FNDC3B: variants seen among roughly 807,000 people sequenced by gnomAD.
The protein encoded by FNDC3B is fibronectin type III domain-containing protein 3B.
In FNDC3B, 12 loss-of-function variants were observed where a neutral mutation model predicts 151.5. The ratio of observed to expected loss-of-function variants is 0.08; its 90% CI spans 0.05 to 0.13. The LOEUF is 0.13. Ranked by LOEUF, FNDC3B falls within the 10% of genes least tolerant of loss-of-function variation. FNDC3B has a pLI of 1.00. For synonymous variants in FNDC3B, 528 were observed against 549.0 expected (o/e 0.96, Z 0.54); for missense variants, 1,214 against 1,505.3 (o/e 0.81, Z 3.20).
chr3:172,176,674 A>G (rs1391185216), intron 3 of FNDC3B, among the ~76,000 whole-genome samples: 1 of 152,190 alleles, frequency 6.6e-6, no homozygotes, highest in African/African-American at 2.4e-5. Context: ...AGGAACCCTG[A>G]ATTCATCTGA....
intron 15 of FNDC3B, among the ~76,000 whole-genome samples, chr3:172,337,075 C>G (rs1733016222): frequency 6.6e-6 from 1 of 152,096 alleles, no homozygotes; most frequent in Non-Finnish European, 1.5e-5. Flanking sequence ...GTTTTTTGTT[C>G]ATATTTCACT....
At chr3:172,206,690 A>G (rs1352019439) in intron 3 of FNDC3B, among the ~76,000 whole-genome samples, 3 of 144,068 alleles carry the variant, frequency 2.1e-5, no homozygotes, top group Non-Finnish European at 4.5e-5. Context: ...AAAAAAAAGT[A>G]TATTCTGGAG....
intron 3 of FNDC3B, among the ~76,000 whole-genome samples, chr3:172,221,232 G>C (rs1726263137): frequency 6.6e-6 from 1 of 152,134 alleles, no homozygotes; most frequent in African/African-American, 2.4e-5. Flanking sequence ...TCATATGTGA[G>C]TAGATAAGTT....
intron 3 of FNDC3B, among the ~76,000 whole-genome samples, chr3:172,151,733 A>G (rs1722232885): frequency 6.6e-6 from 1 of 152,166 alleles, no homozygotes; most frequent in Non-Finnish European, 1.5e-5. Context: ...GTCCTCATGT[A>G]ATGTTGTGGA....
intron 2 of FNDC3B, 96 bp from the exon 3 acceptor site, chr3:172,133,375 A>G (rs758195623): frequency 3.2e-6 from 3 of 935,376 alleles, no homozygotes; most frequent in Admixed American, 4.6e-5. Flanking sequence ...ATTTTATGCC[A>G]CATGCTTCCT....
intron 25 of FNDC3B, among the ~76,000 whole-genome samples, chr3:172,387,643 G>T (rs969913627): frequency 1.3e-5 from 2 of 152,074 alleles, no homozygotes; most frequent in African/African-American, 4.8e-5. Flanking sequence ...CCTTATATCA[G>T]AAAAATTCCC....
At chr3:172,244,678 G>A (rs1324636775) in intron 4 of FNDC3B, among the ~76,000 whole-genome samples, 2 of 129,770 alleles carry the variant, frequency 1.5e-5, no homozygotes, top group Non-Finnish European at 3.1e-5. Context: ...AGGCTGGAGT[G>A]CAGTGGTGCG....
intron 3 of FNDC3B, among the ~76,000 whole-genome samples, chr3:172,143,135 A>T (rs1478658202): frequency 3.9e-5 from 6 of 152,218 alleles, no homozygotes; most frequent in Non-Finnish European, 8.8e-5. Context: ...CAGTGATAGT[A>T]CTGCTGAAGA....
Position 172,051,700 on chromosome 3 carries a change from T to G in FNDC3B, c.-29+11929T>G, listed in dbSNP as rs549599379. The stretch of plus-strand genomic sequence containing the variant: ...ATGGCCTATATTTGAGGCATTTTTG[T>G]GTTTCCATGGTGTTCTTCAGTTTTT... On this transcript the variant is annotated intron_variant, in intron 1 of 25. Coordinates refer to ENST00000415807, the MANE Select transcript of FNDC3B (RefSeq NM_022763.4). Among the ~76,000 whole-genome samples the G allele has an allele frequency of 4.9e-4, 75 of 152,328 alleles. 1 individual carries two copies. Among genetic ancestry groups the G allele is most frequent in the African/African-American group, 1.8e-3 (74 of 41,576 alleles).
At chr3:172,252,143 T>C (rs1728113488) in intron 6 of FNDC3B, among the ~76,000 whole-genome samples, 1 of 152,152 alleles carries the variant, frequency 6.6e-6, no homozygotes. Context: ...TAGATGAATC[T>C]CTTGGGTAGA....
At chr3:172,301,405 A>G (rs79881144) in intron 9 of FNDC3B, among the ~76,000 whole-genome samples, 2,762 of 152,324 alleles carry the variant, frequency 0.018, 89 homozygotes, top group African/African-American at 0.063. Context: ...AGTCCAGTTA[A>G]TAATCTTAGT....
At chr3:172,310,558 G>GTAC (rs1731421150) in intron 10 of FNDC3B, among the ~76,000 whole-genome samples, 1 of 152,188 alleles carries the variant, frequency 6.6e-6, no homozygotes, top group Non-Finnish European at 1.5e-5. Flanking sequence ...GTACCATGAG[G>GTAC]GTGTAAAAAG....
chr3:172,060,379 T>G (rs1717139422), intron 1 of FNDC3B, among the ~76,000 whole-genome samples: 1 of 152,034 alleles, frequency 6.6e-6, no homozygotes, highest in South Asian at 2.1e-4. Context: ...CATTTATGAG[T>G]TGGCCCCACA....
intron 4 of FNDC3B, among the ~76,000 whole-genome samples, chr3:172,244,248 A>G (rs1028757783): frequency 4.6e-5 from 7 of 152,218 alleles, no homozygotes; most frequent in African/African-American, 1.7e-4. Flanking sequence ...AATTTCCTAC[A>G]CCACAAAAGG....
chr3:172,249,664 G>A (rs116224925), intron 5 of FNDC3B, among the ~76,000 whole-genome samples: 1,902 of 152,234 alleles, frequency 0.012, 15 homozygotes, highest in Middle Eastern at 0.044. Context: ...GTAATACATC[G>A]TGGTGTTTAG....
chr3:172,312,540 T>A (rs140298848), intron 11 of FNDC3B, among the ~76,000 whole-genome samples: 1 of 152,178 alleles, frequency 6.6e-6, no homozygotes, highest in South Asian at 2.1e-4. Context: ...TATATGTTGA[T>A]TTGTTGCACT....
At chr3:172,064,882 G>A (rs1333431275) in intron 1 of FNDC3B, among the ~76,000 whole-genome samples, 2 of 152,244 alleles carry the variant, frequency 1.3e-5, no homozygotes, top group East Asian at 1.9e-4. Flanking sequence ...AATGAAGAAA[G>A]TGATTCTGCT....
At chr3:172,096,636 A>T (rs951831852) in intron 1 of FNDC3B, among the ~76,000 whole-genome samples, 1 of 147,098 alleles carries the variant, frequency 6.8e-6, no homozygotes, top group Non-Finnish European at 1.5e-5. Context: ...AAATAAAAAA[A>T]TAGGCAGATT....
At chr3:172,243,788 T>C (rs1423796077) in intron 4 of FNDC3B, among the ~76,000 whole-genome samples, 1 of 152,240 alleles carries the variant, frequency 6.6e-6, no homozygotes, top group African/African-American at 2.4e-5. Context: ...TTCACCTTAA[T>C]TGTCTACTTA....
Sources: allele counts gnomAD v4.1 joint callset (sites outside exome capture counted in the v4.1 genomes callset), GRCh38; gene constraint gnomAD v4.1.1; transcripts MANE v1.5; gene names NCBI Gene and HGNC (gene_info 2026-07-23, HGNC 2026-07-21).